The following SLC9C1 variants were observed in gnomAD, a reference collection of about 807,000 sequenced individuals.
SLC9C1 encodes the protein sodium/hydrogen exchanger 10.
Under a neutral mutation model 140.9 loss-of-function variants are expected in SLC9C1, and 97 were observed. That is an observed-to-expected ratio of 0.69 (90% confidence interval 0.58 to 0.82). The LOEUF is 0.82. Ranked by LOEUF, SLC9C1 falls within the 40% of genes least tolerant of loss-of-function variation. The pLI, the probability that SLC9C1 is intolerant of heterozygous loss-of-function variation, is 0.00. For missense variants in SLC9C1, 1,340 were observed against 1,389.3 expected (o/e 0.96, Z 0.56); for synonymous variants, 440 against 442.6 (o/e 0.99, Z 0.07).
At chr3:112,234,425 G>C (rs1340110696) in intron 12 of SLC9C1, among the ~76,000 whole-genome samples, 1 of 151,824 alleles carries the variant, frequency 6.6e-6, no homozygotes, top group Non-Finnish European at 1.5e-5. Context: ...TATTCTGTAG[G>C]CTGCCTGTTC....
At position 112,285,715 on chromosome 3, in the gene SLC9C1, T is replaced by C. The variant is rs545645623; in HGVS notation, c.88+989A>G. On this transcript the variant is annotated intron_variant, in intron 2 of 28. Transcript: ENST00000305815. Reference sequence around the variant, plus strand: ...CAGATGTAAATATGCACATCAAGTCTACAAACAGCTATATTTTTCCTTATG... The same window carrying C: ...CAGATGTAAATATGCACATCAAGTCCACAAACAGCTATATTTTTCCTTATG... Among the ~76,000 whole-genome samples the C allele has an allele frequency of 2.6e-5, 4 of 152,340 alleles. No individual in the cohort carries two copies. In the South Asian group the frequency reaches 8.3e-4, roughly 32 times the overall value.
chr3:112,242,827 A>T (rs1576429372), intron 11 of SLC9C1, among the ~76,000 whole-genome samples: 1 of 152,114 alleles, frequency 6.6e-6, no homozygotes, highest in African/African-American at 2.4e-5. Flanking sequence ...CACAAAAATT[A>T]AAACGAAAAA....
intron 16 of SLC9C1, among the ~76,000 whole-genome samples, chr3:112,206,564 T>A (rs1004657333): frequency 1.3e-5 from 2 of 152,180 alleles, no homozygotes; most frequent in Non-Finnish European, 2.9e-5. Context: ...TGCGGCACCA[T>A]TCACAATAGC....
intron 16 of SLC9C1, among the ~76,000 whole-genome samples, chr3:112,206,684 T>C (rs2078060594): frequency 6.6e-6 from 1 of 152,032 alleles, no homozygotes; most frequent in Admixed American, 6.5e-5. Context: ...TGGGTTCATG[T>C]CCTTTGTAGG....
chr3:112,169,230 T>A lies in SLC9C1; in HGVS notation c.3018A>T (p.Thr1006=). 1.2e-6 allele frequency: 2 copies of A among 1,613,524 alleles called. No homozygotes were observed. The highest frequency in any genetic ancestry group is 1.7e-6 in the Non-Finnish European group (2 of 1,179,762). The change falls in exon 24 of 29, where the codon ACA becomes ACT. Residue 1006 remains threonine, a synonymous_variant. Coordinates refer to ENST00000305815, the MANE Select transcript of SLC9C1 (RefSeq NM_183061.3). ...ATAAGTGTTCTCTGATTTTTCTGGC[T>A]GTAATAGCGAGTCCAAGTTTTAGCC... The part of the protein sequence containing the change: ...KMWLKLGLAI[T]ARKIREHLSY...
chr3:112,218,037 T>A (rs1170725860), intron 14 of SLC9C1, among the ~76,000 whole-genome samples: 1 of 152,192 alleles, frequency 6.6e-6, no homozygotes, highest in Non-Finnish European at 1.5e-5. Flanking sequence ...TCTCTTTGTC[T>A]TCACCTTCAA....
At position 112,202,321 on chromosome 3, in the gene SLC9C1, CTT is replaced by C; in HGVS notation, c.2249_2250del (p.Lys750ArgfsTer14). 6.2e-7 allele frequency: 1 copy of C among 1,611,174 alleles called. No individual in the cohort carries two copies. Among genetic ancestry groups the C allele is most frequent in the South Asian group, 1.1e-5 (1 of 90,128 alleles). ...HQKTFWYGIL[K>X]GYVQGEADIM... ...ATGTCTGCTTCGCCTTGGACATAGCCTTTTAGTATTCCATACCAAAAGGTCTT... is the reference window on the plus strand; with the variant it reads ...ATGTCTGCTTCGCCTTGGACATAGCCTTAGTATTCCATACCAAAAGGTCTT... On this transcript the variant is annotated frameshift_variant, in exon 18 of 29. Coordinates refer to ENST00000305815, the MANE Select transcript of SLC9C1 (RefSeq NM_183061.3). LOFTEE classifies it high-confidence loss of function.
rs9842060 is a variant in SLC9C1 at position 112,271,586 on chromosome 3, A to G, written c.614-1509T>C. Among the ~76,000 whole-genome samples the G allele has an allele frequency of 9.9e-3, 1,512 of 152,128 alleles. 26 individuals are homozygous for G. The highest frequency in any genetic ancestry group is 0.034 in the African/African-American group (1,411 of 41,514). Reference sequence around the variant, plus strand: ...ACGCTTAAGTTTGTAAAATTTGGTCAGTTTAGTTTAAGAGCTCCTTTCGGT... The same window carrying G: ...ACGCTTAAGTTTGTAAAATTTGGTCGGTTTAGTTTAAGAGCTCCTTTCGGT... On this transcript the variant is annotated intron_variant, in intron 6 of 28. Transcript: ENST00000305815.
At chr3:112,143,916 T>C (rs1224224851) in intron 28 of SLC9C1, among the ~76,000 whole-genome samples, 1 of 152,108 alleles carries the variant, frequency 6.6e-6, no homozygotes. Context: ...TTGTATATGG[T>C]GAAAGGTAGG....
In SLC9C1 at chr3:112,269,953, A is replaced by G. The variant is rs1246713470; in HGVS notation, c.738T>C (p.Ser246=). The part of the protein sequence containing the change: ...TVFGDDVNHI[S]LIFSILYLIF... ...TGAGATACAGAATTGAAAAGATGAG[A>G]CTTATATGATTGACATCATCACCAA... The change falls in exon 7 of 29, where the codon AGT becomes AGC. Residue 246 remains serine, a synonymous_variant. Transcript: ENST00000305815. 6.3e-7 allele frequency: 1 copy of G among 1,594,458 alleles called. No homozygotes were observed. The highest frequency in any genetic ancestry group is 2.3e-5 in the East Asian group (1 of 43,790).
At chr3:112,244,165 A>G (rs778616515) in intron 10 of SLC9C1, 89 bp from the exon 11 acceptor site, 53 of 785,712 alleles carry the variant, frequency 6.7e-5, no homozygotes, top group Non-Finnish European at 1.0e-4. Context: ...GCTATTTTCC[A>G]ATATAAATTA....
At position 112,208,310 on chromosome 3, in the gene SLC9C1, G is replaced by A. The variant is rs1484372413; in HGVS notation, c.1854C>T (p.Tyr618=). Residue 618 remains tyrosine (Y), a synonymous_variant, in exon 16 of 29, where the codon TAC becomes TAT. Coordinates refer to ENST00000305815, the MANE Select transcript of SLC9C1 (RefSeq NM_183061.3). Reference sequence around the variant, plus strand: ...GAAATATATTCATTAATATCACAAGGTATCCAACATGTTCAAATTCCTCAG... The same window carrying A: ...GAAATATATTCATTAATATCACAAGATATCCAACATGTTCAAATTCCTCAG... ...VFTEEFEHVG[Y]LVILMNIFPF... 1 of 1,607,430 alleles carries A rather than the reference G, an allele frequency of 6.2e-7. No homozygotes were observed. The highest frequency in any genetic ancestry group is 1.7e-5 in the Admixed American group (1 of 59,110).
At chr3:112,149,357 T>G (rs1403114995) in intron 28 of SLC9C1, among the ~76,000 whole-genome samples, 3 of 147,136 alleles carry the variant, frequency 2.0e-5, no homozygotes, top group Non-Finnish European at 3.0e-5. Context: ...GAGAGAGAGT[T>G]CCCACACACC....
intron 10 of SLC9C1, among the ~76,000 whole-genome samples, chr3:112,259,335 A>G (rs1022149484): frequency 3.9e-5 from 6 of 151,964 alleles, no homozygotes; most frequent in Admixed American, 1.3e-4. Context: ...TGGAAAAAAA[A>G]TAACTATTGG....
chr3:112,207,445 G>A (rs2078085649), intron 16 of SLC9C1, among the ~76,000 whole-genome samples: 2 of 152,148 alleles, frequency 1.3e-5, no homozygotes, highest in Non-Finnish European at 2.9e-5. Context: ...GACAGTTGAT[G>A]TCACAAAAGT....
At position 112,169,219 on chromosome 3, in the gene SLC9C1, A is replaced by AT; in HGVS notation, c.3028dup (p.Ile1010AsnfsTer8). On this transcript the variant is annotated frameshift_variant, in exon 24 of 29. Coordinates refer to ENST00000305815, the MANE Select transcript of SLC9C1 (RefSeq NM_183061.3). LOFTEE classifies it high-confidence loss of function. The stretch of plus-strand genomic sequence containing the variant: ...TACCTCATAAGATAAGTGTTCTCTG[A>AT]TTTTTCTGGCTGTAATAGCGAGTCC... 6.2e-7 allele frequency: 1 copy of AT among 1,613,110 alleles called. No individual in the cohort carries two copies. Among genetic ancestry groups the AT allele is most frequent in the Non-Finnish European group, 8.5e-7 (1 of 1,179,666 alleles).
At chr3:112,194,108 C>T (rs1460365459) in intron 20 of SLC9C1, among the ~76,000 whole-genome samples, 3 of 152,022 alleles carry the variant, frequency 2.0e-5, no homozygotes, top group Admixed American at 6.6e-5. Flanking sequence ...GGGAGTGGGG[C>T]GTGCACACCT....
At chr3:112,175,835 G>T (rs2077326241) in intron 23 of SLC9C1, among the ~76,000 whole-genome samples, 1 of 152,202 alleles carries the variant, frequency 6.6e-6, no homozygotes, top group Non-Finnish European at 1.5e-5. Context: ...AACAGCAAAG[G>T]TGGTGGCCCG....
Position 112,239,979 on chromosome 3 carries a change from T to C in SLC9C1, c.1307A>G (p.Tyr436Cys). The C allele has an allele frequency of 6.2e-7, 1 of 1,612,300 alleles. No homozygotes were observed. The highest frequency in any genetic ancestry group is 8.5e-7 in the Non-Finnish European group (1 of 1,179,508). The change falls in exon 12 of 29, where the codon TAT becomes TGT. Residue 436 changes from tyrosine to cysteine, a missense_variant. Tyr to Cys is a radical substitution (Grantham distance 194, BLOSUM62 -2). Transcript: ENST00000305815. ...TTGAAATGTGCAACAAACCGATTTA[T>C]ATTTTGTTGATGTGGCATCACGAAG... ...LGLRDATSTK[Y>C]KSVCCTFQHF...
Sources: allele counts gnomAD v4.1 joint callset (sites outside exome capture counted in the v4.1 genomes callset), GRCh38; gene constraint gnomAD v4.1.1; transcripts MANE v1.5; gene names NCBI Gene and HGNC (gene_info 2026-07-23, HGNC 2026-07-21).